Variants in PTPRN2 observed in about 807,000 individuals in gnomAD.
PTPRN2 encodes receptor-type tyrosine-protein phosphatase N2.
In PTPRN2, 74 loss-of-function variants were observed where a neutral mutation model predicts 118.8. That is an observed-to-expected ratio of 0.62 (90% CI 0.52 to 0.76). PTPRN2 has a LOEUF of 0.76. Among genes scored for constraint, PTPRN2 ranks in the 30% least tolerant of loss-of-function variants. The pLI, the probability that PTPRN2 is intolerant of heterozygous loss-of-function variation, is 0.00. For synonymous variants in PTPRN2, 641 were observed against 608.0 expected (o/e 1.05, Z -0.80); for missense variants, 1,481 against 1,394.4 (o/e 1.06, Z -0.99).
chr7:158,104,535 G>C (rs772212438), intron 10 of PTPRN2, among the ~76,000 whole-genome samples: 7 of 152,122 alleles, frequency 4.6e-5, no homozygotes, highest in Admixed American at 6.5e-5. Flanking sequence ...GAACAGAAGG[G>C]AGAAAAGAGA....
rs944706031 is a variant in PTPRN2, at chr7:158,526,127, T to C, written c.113-36342A>G. Among the ~76,000 whole-genome samples the C allele has an allele frequency of 1.3e-5, 2 of 152,128 alleles. No individual in the cohort carries two copies. The highest frequency in any genetic ancestry group is 4.8e-5 in the African/African-American group (2 of 41,416). On this transcript the variant is annotated intron_variant, in intron 1 of 22. Coordinates refer to ENST00000389418, the MANE Select transcript of PTPRN2 (RefSeq NM_002847.5). This position sits in a 1 kb window ranked among gnomAD's most constrained non-coding sequence, Gnocchi z 5.2. ...TGAGGAGATGATGACTTCCTACAGC[T>C]TCTGAAAGGGCCCGCTCTGGGGGGA...
chr7:157,635,954 T>G (rs1032868384), intron 14 of PTPRN2, among the ~76,000 whole-genome samples: 1 of 152,262 alleles, frequency 6.6e-6, no homozygotes, highest in Non-Finnish European at 1.5e-5. Flanking sequence ...TGCACCCTGC[T>G]GTCAAATGTA....
chr7:157,757,369 CAG>C (rs1316680076), intron 12 of PTPRN2, among the ~76,000 whole-genome samples: 2 of 152,120 alleles, frequency 1.3e-5, no homozygotes, highest in African/African-American at 4.8e-5. Context: ...AGCGGGAGAG[CAG>C]AGAGACATGC....
intron 12 of PTPRN2, among the ~76,000 whole-genome samples, chr7:157,706,068 G>A (rs1340337887): frequency 3.9e-5 from 6 of 152,014 alleles, no homozygotes; most frequent in African/African-American, 1.5e-4. Context: ...TAGAATGCCG[G>A]GAACTGAGCC....
rs1824672883 is a variant in PTPRN2 at position 158,525,129 on chromosome 7, A to G, written c.113-35344T>C. Among the ~76,000 whole-genome samples the G allele has an allele frequency of 1.3e-5, 2 of 152,314 alleles. No individual in the cohort carries two copies. Among genetic ancestry groups the G allele is most frequent in the Admixed American group, 1.3e-4 (2 of 15,302 alleles). ...TCCATGCGAAGAAATGCTGCGTCCC[A>G]GGCCCTGCACAGTGCTGGACTTCCC... On this transcript the variant is annotated intron_variant, in intron 1 of 22. Coordinates refer to ENST00000389418, the MANE Select transcript of PTPRN2 (RefSeq NM_002847.5). This position sits in a 1 kb window ranked among gnomAD's most constrained non-coding sequence, Gnocchi z 4.1.
intron 1 of PTPRN2, among the ~76,000 whole-genome samples, chr7:158,514,622 CG>C (rs1473909921): frequency 6.6e-6 from 1 of 152,130 alleles, no homozygotes; most frequent in African/African-American, 2.4e-5. Context: ...TCAGTGCTCA[CG>C]GGTGCGTCAA....
At chr7:157,824,470 TTC>T (rs1326818337) in intron 12 of PTPRN2, among the ~76,000 whole-genome samples, 4 of 152,198 alleles carry the variant, frequency 2.6e-5, no homozygotes, top group Non-Finnish European at 5.9e-5. Context: ...TGTCCGTGGA[TTC>T]TCTGTGCCTG....
Position 158,167,093 on chromosome 7 carries a change from C to T in PTPRN2, c.748G>A (p.Ala250Thr). 1 of 1,611,602 alleles carries T rather than the reference C, an allele frequency of 6.2e-7. No individual in the cohort carries two copies. The highest frequency in any genetic ancestry group is 1.1e-5 in the South Asian group (1 of 90,770). Residue 250 changes from alanine (A) to threonine (T), a missense_variant, in exon 6 of 23, where the codon GCT becomes ACT. Around this residue, in one of 3 missense-constraint regions of PTPRN2, gnomAD observed 1,115 missense variants for 994.2 expected, o/e 1.12. Coordinates refer to ENST00000389418, the MANE Select transcript of PTPRN2 (RefSeq NM_002847.5). ...HHLMAALSAY[A>T]AQRPPAPPGE... ...GGGGGAGCTGGGGGCCTCTGGGCAG[C>T]ATAGGCACTGAGGGCCGCCATCAGA...
At chr7:158,419,033 C>G (rs555977768) in intron 2 of PTPRN2, among the ~76,000 whole-genome samples, 33 of 152,348 alleles carry the variant, frequency 2.2e-4, no homozygotes, top group African/African-American at 7.9e-4. Context: ...TCACATAGTC[C>G]TTGCCACTTC....
In PTPRN2 at chr7:158,316,871, C is replaced by T. The variant is rs376455829; in HGVS notation, c.225G>A (p.Ser75=). The T allele has an allele frequency of 1.2e-5, 20 of 1,611,844 alleles. No homozygotes were observed. Among genetic ancestry groups the T allele is most frequent in the Middle Eastern group, 3.3e-4 (2 of 6,060 alleles). Residue 75 remains serine, a synonymous_variant, in exon 3 of 23, where the codon TCG becomes TCA. Transcript: ENST00000389418. ...PAMDFYRYEV[S]PVALQRLRVA... The stretch of plus-strand genomic sequence containing the variant: ...CGCGCAGGCGCTGCAGGGCCACGGG[C>T]GACACCTCGTAGCGGTAAAAGTCCA...
intron 11 of PTPRN2, among the ~76,000 whole-genome samples, chr7:157,940,252 G>A (rs1799964685): frequency 6.6e-6 from 1 of 152,178 alleles, no homozygotes; most frequent in African/African-American, 2.4e-5. Context: ...CCTCAGTGCA[G>A]ATTCTTTTCT....
chr7:157,791,053 C>CA (rs949418735), intron 12 of PTPRN2, among the ~76,000 whole-genome samples: 29 of 151,758 alleles, frequency 1.9e-4, no homozygotes, highest in Middle Eastern at 3.4e-3. Context: ...ACTTTATGAG[C>CA]AAAAAAAATC....
chr7:158,359,661 A>T (rs1443557331), intron 2 of PTPRN2, among the ~76,000 whole-genome samples: 1 of 152,224 alleles, frequency 6.6e-6, no homozygotes, highest in African/African-American at 2.4e-5. Flanking sequence ...GACCATGGCT[A>T]TTTAAAAACC....
chr7:157,886,498 C>A (rs1312014857), intron 12 of PTPRN2, among the ~76,000 whole-genome samples: 3 of 152,118 alleles, frequency 2.0e-5, no homozygotes, highest in Non-Finnish European at 4.4e-5. Context: ...ACAGCCACAT[C>A]ACACAGCACC....
At chr7:157,543,241 G>A (rs1246276606) in intron 22 of PTPRN2, among the ~76,000 whole-genome samples, 2 of 152,252 alleles carry the variant, frequency 1.3e-5, no homozygotes, top group South Asian at 2.1e-4. Context: ...CAGGACATTC[G>A]AGAGGCCGAG....
At chr7:157,752,262 C>T (rs191649137) in intron 12 of PTPRN2, among the ~76,000 whole-genome samples, 15 of 152,320 alleles carry the variant, frequency 9.8e-5, no homozygotes, top group Admixed American at 5.2e-4. Flanking sequence ...CGGGGAACGT[C>T]GTAAGTGCTG....
At chr7:158,110,787 A>T in intron 10 of PTPRN2, 42 bp downstream of exon 10, 2 of 1,530,358 alleles carry the variant, frequency 1.3e-6, no homozygotes, top group Non-Finnish European at 1.8e-6. Context: ...TCTGCGACCA[A>T]GCAACAGGAG....
At chr7:158,144,482 A>G (rs1463169677) in intron 6 of PTPRN2, among the ~76,000 whole-genome samples, 1 of 152,156 alleles carries the variant, frequency 6.6e-6, no homozygotes, top group African/African-American at 2.4e-5. Flanking sequence ...TACTAAAAAT[A>G]CCAAAAATTA....
Position 158,146,172 on chromosome 7 carries a change from C to T in PTPRN2, c.911-7657G>A, listed in dbSNP as rs144232888. ...GAAGTGAGGAACACAGTCAGAGAGC[C>T]CCTTAGATGCTCAGTCACACAAGCT... On this transcript the variant is annotated intron_variant, in intron 6 of 22. Transcript: ENST00000389418. 2.6e-5 allele frequency among the ~76,000 whole-genome samples: 4 copies of T among 152,172 alleles called. No homozygotes were observed. In the East Asian group the frequency reaches 7.7e-4, roughly 29 times the overall value.
Sources: gnomAD v4.1 joint callset for allele counts (sites outside exome capture counted in the v4.1 genomes callset) on GRCh38, gnomAD v4.1.1 for gene constraint, gnomAD v4.1.1 regional missense constraint, Gnocchi (gnomAD v3.1) non-coding constraint, MANE v1.5 for transcripts, NCBI Gene and HGNC (gene_info 2026-07-23, HGNC 2026-07-21) for gene names.